Variants in PCNX2 observed in about 807,000 individuals in gnomAD.
PCNX2 encodes pecanex-like protein 2.
PCNX2 carries 168 observed loss-of-function variants against 223.8 expected under a neutral mutation model. The ratio of observed to expected loss-of-function variants is 0.75; its 90% CI spans 0.66 to 0.85. The LOEUF is 0.85. Ranked by LOEUF, PCNX2 falls within the 40% of genes least tolerant of loss-of-function variation. The pLI is 0.00. For synonymous variants in PCNX2, 1,006 were observed against 1,052.6 expected, an observed-to-expected ratio of 0.96 and a Z score of 0.86; for missense variants, 2,507 against 2,675.5, an observed-to-expected ratio of 0.94 and a Z score of 1.39.
intron 26 of PCNX2, among the ~76,000 whole-genome samples, chr1:233,020,354 A>G (rs1670836035): frequency 6.6e-6 from 1 of 152,262 alleles, no homozygotes; most frequent in African/African-American, 2.4e-5. Flanking sequence ...CAGTCAATGA[A>G]CACTGTAAAA....
intron 19 of PCNX2, among the ~76,000 whole-genome samples, chr1:233,149,853 C>G (rs1677690442): frequency 6.6e-6 from 1 of 151,308 alleles, no homozygotes; most frequent in Non-Finnish European, 1.5e-5. Context: ...CCCATGCCCT[C>G]AATCCTCTTC....
At chr1:233,291,928 G>A (rs1028310873) in intron 1 of PCNX2, 2 of 985,282 alleles carry the variant, frequency 2.0e-6, no homozygotes, top group African/African-American at 1.7e-5. Context: ...TGCCCCTGCT[G>A]TAAAGAAAAC....
At chr1:233,203,680 C>T (rs1218801654) in intron 13 of PCNX2, among the ~76,000 whole-genome samples, 1 of 152,170 alleles carries the variant, frequency 6.6e-6, no homozygotes, top group Non-Finnish European at 1.5e-5. Flanking sequence ...TGACTTATCT[C>T]ATACCACTGG....
chr1:233,051,024 G>C (rs1671985809), intron 25 of PCNX2, among the ~76,000 whole-genome samples: 1 of 151,866 alleles, frequency 6.6e-6, no homozygotes, highest in Non-Finnish European at 1.5e-5. Flanking sequence ...GATATGAAGA[G>C]ATACTTCTCA....
chr1:233,231,445 C>T (rs535739905), intron 9 of PCNX2, among the ~76,000 whole-genome samples: 9 of 152,068 alleles, frequency 5.9e-5, no homozygotes, highest in Non-Finnish European at 1.2e-4. Flanking sequence ...CTAATAAAAA[C>T]GAAAACAGAT....
intron 32 of PCNX2, 94 bp downstream of exon 32, chr1:232,998,157 T>C: frequency 7.8e-7 from 1 of 1,290,172 alleles, no homozygotes; most frequent in Non-Finnish European, 1.0e-6. Flanking sequence ...AAGAAGGTGC[T>C]CTCAGAGGTT....
chr1:233,231,391 AAAAC>A (rs768933151), intron 9 of PCNX2, among the ~76,000 whole-genome samples: 15 of 152,216 alleles, frequency 9.9e-5, no homozygotes, highest in African/African-American at 1.7e-4. Context: ...AAAGTTATTT[AAAAC>A]AAACAAAGTC....
At chr1:233,271,720 T>G (rs1269195150) in intron 1 of PCNX2, among the ~76,000 whole-genome samples, 1 of 152,232 alleles carries the variant, frequency 6.6e-6, no homozygotes, top group East Asian at 1.9e-4. Context: ...GCACCATTTG[T>G]TGAATAGGGT....
At chr1:233,295,998 C>CTT (rs201102619), upstream of PCNX2, among the ~76,000 whole-genome samples, 1,708 of 96,856 alleles carry the variant, frequency 0.018, 89 homozygotes, top group African/African-American at 0.059. This position sits in a 1 kb window ranked among gnomAD's most constrained non-coding sequence, Gnocchi z 4.1. Flanking sequence ...TTCTTTCTTT[C>CTT]TTTCTTTTTT....
intron 25 of PCNX2, among the ~76,000 whole-genome samples, chr1:233,038,604 G>A (rs2102854624): frequency 6.6e-6 from 1 of 152,278 alleles, no homozygotes; most frequent in South Asian, 2.1e-4. Context: ...ACTCATTATT[G>A]TATGGGTAAG....
At position 233,057,212 on chromosome 1, in the gene PCNX2, GAGAGA is replaced by G. The variant is rs764335941; in HGVS notation, c.4135+15_4135+19del. ...CATACAACAATAAATAGTTGAAAAA[GAGAGA>G]AGAGATCTTCTTACCTGGATCTCTT... On this transcript the variant is annotated intron_variant, in intron 24 of 33. Transcript: ENST00000258229. 7.9e-5 allele frequency: 123 copies of G among 1,560,946 alleles called. No homozygotes were observed. The African/African-American group carries it at 1.4e-3, about 18-fold the overall frequency.
intron 17 of PCNX2, among the ~76,000 whole-genome samples, chr1:233,164,566 T>C (rs1452147829): frequency 6.6e-6 from 1 of 151,408 alleles, no homozygotes. Context: ...AAATATATAA[T>C]ATATATAATC....
At chr1:233,291,951 T>G (rs982846176) in intron 1 of PCNX2, 35 of 985,288 alleles carry the variant, frequency 3.6e-5, no homozygotes, top group Non-Finnish European at 4.1e-5. Flanking sequence ...CTCTGAATAC[T>G]CTTTCCAAGT....
intron 23 of PCNX2, 80 bp downstream of exon 23, chr1:233,089,981 C>T: frequency 3.1e-6 from 5 of 1,592,968 alleles, no homozygotes; most frequent in Non-Finnish European, 4.3e-6. Flanking sequence ...AGCCAGGGAC[C>T]TCCTAACAGA....
chr1:233,268,056 C>T (rs1161246034), intron 1 of PCNX2, among the ~76,000 whole-genome samples: 1 of 152,044 alleles, frequency 6.6e-6, no homozygotes, highest in Non-Finnish European at 1.5e-5. Flanking sequence ...GGACTACAGG[C>T]GCGCACCACC....
At chr1:232,994,871 G>T (rs1424939380) in intron 32 of PCNX2, among the ~76,000 whole-genome samples, 1 of 152,122 alleles carries the variant, frequency 6.6e-6, no homozygotes, top group Non-Finnish European at 1.5e-5. Flanking sequence ...CACCATAATT[G>T]TAAGTTTCTT....
chr1:233,068,414 A>C (rs1225656438), intron 23 of PCNX2, among the ~76,000 whole-genome samples: 6 of 152,182 alleles, frequency 3.9e-5, no homozygotes, highest in Non-Finnish European at 5.9e-5. Context: ...AAACATCAGG[A>C]AGGAAGAAAA....
At chr1:233,194,238 C>T (rs1286942906) in intron 15 of PCNX2, among the ~76,000 whole-genome samples, 2 of 151,924 alleles carry the variant, frequency 1.3e-5, no homozygotes, top group Admixed American at 1.3e-4. Flanking sequence ...CAAAAGAAAA[C>T]AGAACATGTT....
intron 19 of PCNX2, among the ~76,000 whole-genome samples, chr1:233,155,459 T>C (rs895463494): frequency 6.6e-6 from 1 of 152,190 alleles, no homozygotes; most frequent in Non-Finnish European, 1.5e-5. Context: ...TCAATAATTA[T>C]TTTCTGAATG....
Sources: gnomAD v4.1 joint callset for allele counts (sites outside exome capture counted in the v4.1 genomes callset) on GRCh38, gnomAD v4.1.1 for gene constraint, Gnocchi (gnomAD v3.1) non-coding constraint, MANE v1.5 for transcripts, NCBI Gene and HGNC (gene_info 2026-07-23, HGNC 2026-07-21) for gene names.